Variants in HMGB1 observed in about 807,000 individuals in gnomAD.
HMGB1 encodes high mobility group protein B1.
For synonymous variants in HMGB1, 81 were observed against 84.0 expected, an observed-to-expected ratio of 0.96 and a Z score of 0.19; for missense variants, 79 against 253.5, an observed-to-expected ratio of 0.31 and a Z score of 4.67.
chr13:30,476,325 G>A (rs1357385416), intron 1 of HMGB1, among the ~76,000 whole-genome samples: 2 of 151,856 alleles, frequency 1.3e-5, no homozygotes, highest in African/African-American at 2.4e-5. Context: ...TTTCAGTAGA[G>A]ATGGGGTTTC....
At position 30,459,900 on chromosome 13, in the gene HMGB1, G is replaced by T. The variant is rs1420907199; in HGVS notation, c.*1457C>A. 6.6e-6 allele frequency: 1 copy of T among 152,566 alleles called. No individual in the cohort carries two copies. The highest frequency in any genetic ancestry group is 2.4e-5 in the African/African-American group (1 of 41,442). The allele number at this position is 152,566 out of a possible 1,614,324, so 9.5% of individuals were successfully genotyped here. On this transcript the variant is annotated 3_prime_UTR_variant, in exon 5 of 5. Transcript: ENST00000341423. ...TATTAGTATCATCCAGGACTCAGAT[G>T]TTCAGTATTCCTCCTGAAATTACAT...
intron 1 of HMGB1, among the ~76,000 whole-genome samples, chr13:30,525,651 T>C (rs1023053620): frequency 6.6e-6 from 1 of 152,138 alleles, no homozygotes; most frequent in African/African-American, 2.4e-5. Flanking sequence ...TTGTTGAAAA[T>C]TCTTATAAAA....
intron 1 of HMGB1, among the ~76,000 whole-genome samples, chr13:30,499,475 T>A (rs923664694): frequency 2.6e-5 from 4 of 152,206 alleles, no homozygotes; most frequent in Admixed American, 2.6e-4. Flanking sequence ...CTTCATTTTG[T>A]CCTTCCCGTT....
intron 1 of HMGB1, among the ~76,000 whole-genome samples, chr13:30,472,246 C>T (rs1304086920): frequency 6.6e-6 from 1 of 151,970 alleles, no homozygotes; most frequent in Non-Finnish European, 1.5e-5. Context: ...ACCAGAGTGC[C>T]ACAGAGTGAG....
chr13:30,610,123 T>C (rs2137573880), intron 1 of HMGB1, among the ~76,000 whole-genome samples: 1 of 152,336 alleles, frequency 6.6e-6, no homozygotes, highest in Non-Finnish European at 1.5e-5. Flanking sequence ...CTTACTTTAT[T>C]GTAAGAATAC....
At chr13:30,588,470 G>A (rs940025729) in intron 1 of HMGB1, among the ~76,000 whole-genome samples, 4 of 152,082 alleles carry the variant, frequency 2.6e-5, no homozygotes, top group African/African-American at 9.7e-5. Flanking sequence ...AATGTTAATG[G>A]GACAGTAAAG....
intron 1 of HMGB1, among the ~76,000 whole-genome samples, chr13:30,555,839 C>G (rs1375919044): frequency 1.3e-5 from 2 of 152,150 alleles, no homozygotes; most frequent in African/African-American, 2.4e-5. Flanking sequence ...TTAAAAACTG[C>G]TACTCGTAAC....
intron 1 of HMGB1, among the ~76,000 whole-genome samples, chr13:30,600,382 C>T (rs1379140010): frequency 6.6e-6 from 1 of 152,036 alleles, no homozygotes; most frequent in Non-Finnish European, 1.5e-5. Flanking sequence ...TGGTGTAGGT[C>T]ATTCAAATTT....
chr13:30,502,375 T>C (rs1887752736), intron 1 of HMGB1, among the ~76,000 whole-genome samples: 1 of 152,072 alleles, frequency 6.6e-6, no homozygotes, highest in Non-Finnish European at 1.5e-5. Context: ...AGTGCACAGA[T>C]AAAAAAAATC....
chr13:30,549,804 C>T (rs570285059), intron 1 of HMGB1, among the ~76,000 whole-genome samples: 1 of 152,120 alleles, frequency 6.6e-6, no homozygotes, highest in East Asian at 1.9e-4. Context: ...GCAACCTCCG[C>T]CTCTCGGGTT....
At chr13:30,505,646 G>A (rs1260689907) in intron 1 of HMGB1, among the ~76,000 whole-genome samples, 1 of 151,800 alleles carries the variant, frequency 6.6e-6, no homozygotes, top group African/African-American at 2.4e-5. Context: ...AATTGCAAAA[G>A]TAGAGTATAA....
At chr13:30,531,129 T>C (rs1888483830) in intron 1 of HMGB1, among the ~76,000 whole-genome samples, 1 of 152,164 alleles carries the variant, frequency 6.6e-6, no homozygotes, top group Admixed American at 6.5e-5. Flanking sequence ...ACTGCCATCT[T>C]TGGGTAGTGG....
rs1566019109 is a variant in HMGB1, at chr13:30,538,651, CT to C, written c.-14-74958del. On this transcript the variant is annotated intron_variant, in intron 1 of 4. Transcript: ENST00000405805. ...TTTCTTTTTCTTTCTTCCTTTCTTT[CT>C]TTCTTTCTTTCCTTTCTTTCTTTCT... 7.4e-4 allele frequency among the ~76,000 whole-genome samples: 32 copies of C among 43,478 alleles called. 2 individuals are homozygous for C. Among genetic ancestry groups the C allele is most frequent in the African/African-American group, 6.4e-3 (32 of 4,972 alleles). The allele number at this position is 43,478 out of a possible 152,430, so 28.5% of individuals were successfully genotyped here.
intron 1 of HMGB1, among the ~76,000 whole-genome samples, chr13:30,534,816 A>T (rs1016591640): frequency 3.3e-5 from 5 of 152,040 alleles, no homozygotes; most frequent in African/African-American, 9.7e-5. Context: ...GCCTCAGGTG[A>T]TCTGCCCGCC....
At chr13:30,571,499 CT>C (rs1555241878) in intron 1 of HMGB1, among the ~76,000 whole-genome samples, 2 of 151,932 alleles carry the variant, frequency 1.3e-5, no homozygotes, top group Non-Finnish European at 2.9e-5. Flanking sequence ...TTTCACCATG[CT>C]GGCCAGGCTG....
intron 1 of HMGB1, among the ~76,000 whole-genome samples, chr13:30,531,927 TAATA>T (rs776885885): frequency 6.6e-6 from 1 of 151,568 alleles, no homozygotes; most frequent in African/African-American, 2.4e-5. Context: ...ATAAAATAAA[TAATA>T]AATAAAACAT....
chr13:30,515,385 G>C (rs1348314651), intron 1 of HMGB1, among the ~76,000 whole-genome samples: 1 of 152,216 alleles, frequency 6.6e-6, no homozygotes, highest in Non-Finnish European at 1.5e-5. Context: ...CTACACAACT[G>C]TGTGCTAATA....
At chr13:30,587,598 T>G (rs1469101975) in intron 1 of HMGB1, among the ~76,000 whole-genome samples, 3 of 152,242 alleles carry the variant, frequency 2.0e-5, no homozygotes, top group Non-Finnish European at 4.4e-5. Flanking sequence ...TGGATTTGTA[T>G]CTACCAGCAT....
At chr13:30,494,408 C>A (rs1232408078) in intron 1 of HMGB1, among the ~76,000 whole-genome samples, 1 of 151,960 alleles carries the variant, frequency 6.6e-6, no homozygotes, top group African/African-American at 2.4e-5. Flanking sequence ...GTTGCCCAGG[C>A]TGGAGTGCAA....
Sources: gnomAD v4.1 joint callset for allele counts (sites outside exome capture counted in the v4.1 genomes callset) on GRCh38, gnomAD v4.1.1 for gene constraint, MANE v1.5 for transcripts, NCBI Gene and HGNC (gene_info 2026-07-23, HGNC 2026-07-21) for gene names.